The following C3orf49 variants were observed in gnomAD, a reference collection of about 807,000 sequenced individuals.
C3orf49 encodes the protein chromosome 3 open reading frame 49, also known as putative uncharacterized protein C3orf49.
Under a neutral mutation model 13.3 loss-of-function variants are expected in C3orf49, and 27 were observed. The observed-to-expected ratio is 2.02, with a 90% CI of 1.49 to 2.79. C3orf49 has a LOEUF of 2.79. C3orf49 is among the 30% of genes most tolerant of loss of function. The pLI is 0.00. For missense variants in C3orf49, 242 were observed against 134.2 expected, an observed-to-expected ratio of 1.80 and a Z score of -3.97; for synonymous variants, 87 against 47.6, an observed-to-expected ratio of 1.83 and a Z score of -3.40.
chr3:63,847,859 T>G (rs1701932814), intron 6 of C3orf49, among the ~76,000 whole-genome samples: 2 of 152,172 alleles, frequency 1.3e-5, no homozygotes, highest in African/African-American at 4.8e-5. Flanking sequence ...TCCAGCCAAT[T>G]GAATGGACAC....
At chr3:63,788,867 T>C in the C3orf49 span, among the ~76,000 whole-genome samples, 2 of 152,180 alleles carry the variant, frequency 1.3e-5, no homozygotes, top group South Asian at 4.1e-4. Context: ...TGATATACTA[T>C]GTCTAGTTCG....
chr3:63,844,869 C>T (rs1575808327), intron 5 of C3orf49, among the ~76,000 whole-genome samples, 154 bp from the exon 6 acceptor site: 1 of 152,276 alleles, frequency 6.6e-6, no homozygotes, highest in East Asian at 1.9e-4. Flanking sequence ...CTATTACAGC[C>T]TTGGAAAACA....
the C3orf49 span, among the ~76,000 whole-genome samples, chr3:63,793,929 A>G: frequency 2.0e-5 from 3 of 152,098 alleles, no homozygotes; most frequent in Non-Finnish European, 2.9e-5. Context: ...GCCAAACAGG[A>G]CAATCGCTTG....
At chr3:63,822,318 C>G (rs1701408467) in intron 1 of C3orf49, among the ~76,000 whole-genome samples, 1 of 152,156 alleles carries the variant, frequency 6.6e-6, no homozygotes. Context: ...CTATAATGAT[C>G]TCAACATTAA....
At chr3:63,781,553 T>C in the C3orf49 span, among the ~76,000 whole-genome samples, 3 of 152,202 alleles carry the variant, frequency 2.0e-5, no homozygotes, top group South Asian at 6.2e-4. Flanking sequence ...TTGATGGGGA[T>C]GGCATTGAAT....
intron 5 of C3orf49, among the ~76,000 whole-genome samples, chr3:63,833,097 CTT>C (rs748114078): frequency 3.2e-4 from 44 of 135,616 alleles, no homozygotes; most frequent in Admixed American, 3.7e-4. Flanking sequence ...GCAAGACAAT[CTT>C]TTTTTTTTTT....
chr3:63,807,897 GAAATAAAT>G, the C3orf49 span, among the ~76,000 whole-genome samples: 6 of 131,536 alleles, frequency 4.6e-5, no homozygotes, highest in South Asian at 2.5e-4. Context: ...GAAAGAAAGA[GAAATAAAT>G]AAATAAATAA....
chr3:63,837,642 A>T (rs1308110631), intron 5 of C3orf49, among the ~76,000 whole-genome samples: 2 of 152,048 alleles, frequency 1.3e-5, no homozygotes, highest in Non-Finnish European at 2.9e-5. Context: ...ATATTTATGT[A>T]AATTGCCTCT....
At chr3:63,806,029 G>A in the C3orf49 span, among the ~76,000 whole-genome samples, 1 of 152,126 alleles carries the variant, frequency 6.6e-6, no homozygotes, top group Admixed American at 6.6e-5. Flanking sequence ...CTCTACAAGT[G>A]GAATACTACT....
At chr3:63,792,913 C>G in the C3orf49 span, among the ~76,000 whole-genome samples, 124 of 152,306 alleles carry the variant, frequency 8.1e-4, 1 homozygote, top group Admixed American at 1.6e-3. Context: ...ATTACATGAA[C>G]AGCAAAACAT....
chr3:63,798,618 C>T, the C3orf49 span, among the ~76,000 whole-genome samples: 3 of 152,028 alleles, frequency 2.0e-5, no homozygotes, highest in East Asian at 5.8e-4. Flanking sequence ...AATATTAGAA[C>T]TTGTTTTTCT....
the C3orf49 span, among the ~76,000 whole-genome samples, chr3:63,797,715 G>A: frequency 7.2e-5 from 11 of 152,234 alleles, no homozygotes; most frequent in East Asian, 1.4e-3. Context: ...GCCCTAAGGC[G>A]TCCAAGAAAA....
intron 5 of C3orf49, chr3:63,834,213 G>C (rs1212340787): frequency 1.2e-6 from 2 of 1,613,372 alleles, no homozygotes; most frequent in African/African-American, 2.7e-5. Flanking sequence ...TAATTGAGAA[G>C]GAAACATAAA....
the C3orf49 span, among the ~76,000 whole-genome samples, chr3:63,801,069 AG>A: frequency 6.6e-6 from 1 of 151,872 alleles, no homozygotes; most frequent in Non-Finnish European, 1.5e-5. Context: ...GCCCAGGAGG[AG>A]TTTACCGTCT....
At chr3:63,842,131 T>A (rs965138237) in intron 5 of C3orf49, among the ~76,000 whole-genome samples, 1 of 152,158 alleles carries the variant, frequency 6.6e-6, no homozygotes, top group African/African-American at 2.4e-5. Context: ...AAAACTCATG[T>A]TGAAATTTAA....
chr3:63,811,968 G>GAACA, the C3orf49 span, among the ~76,000 whole-genome samples: 7 of 151,880 alleles, frequency 4.6e-5, no homozygotes, highest in Admixed American at 4.6e-4. Flanking sequence ...TGTTCATGGA[G>GAACA]ATTGTAAAAT....
the C3orf49 span, among the ~76,000 whole-genome samples, chr3:63,785,065 CT>C: frequency 0.026 from 1,693 of 64,928 alleles, 10 homozygotes; most frequent in African/African-American, 0.1. Context: ...TCTTCTTCTT[CT>C]TTTTTTTTTT....
chr3:63,835,253 A>C, intron 5 of C3orf49: 1 of 1,612,868 alleles, frequency 6.2e-7, no homozygotes, highest in Non-Finnish European at 8.5e-7. Context: ...ATTTATACAA[A>C]TGACCTGTAT....
the C3orf49 span, among the ~76,000 whole-genome samples, chr3:63,808,266 T>C: frequency 1.3e-5 from 2 of 152,234 alleles, no homozygotes; most frequent in Non-Finnish European, 2.9e-5. Flanking sequence ...ATAGAAAATG[T>C]AGAGTTTCTT....
Sources: allele counts gnomAD v4.1 joint callset (sites outside exome capture counted in the v4.1 genomes callset), GRCh38; gene constraint gnomAD v4.1.1; transcripts MANE v1.5; gene names NCBI Gene and HGNC (gene_info 2026-07-23, HGNC 2026-07-21).